OR2H2: variants seen among roughly 807,000 people sequenced by gnomAD.
OR2H2 encodes the protein olfactory receptor 2H2.
For missense variants in OR2H2, 295 were observed against 313.7 expected (o/e 0.94, Z 0.45); for synonymous variants, 146 against 132.4 (o/e 1.10, Z -0.71).
rs776218072 is a variant in OR2H2 at position 29,588,553 on chromosome 6, C to G, written c.609C>G (p.Phe203Leu). ...NEIQVAVASV[F>L]ILVVPLSLIL... ...TCCAGGTGGCTGTTGCCAGTGTCTT[C>G]ATCTTGGTTGTGCCTCTCAGCCTCA... Residue 203 changes from phenylalanine (F) to leucine (L), a missense_variant, in exon 2 of 2, where the codon TTC becomes TTG. By Grantham distance (22) the Phe-to-Leu change is conservative (BLOSUM62 0). Coordinates refer to ENST00000641840, the MANE Select transcript of OR2H2 (RefSeq NM_007160.4). The G allele has an allele frequency of 2.0e-5, 19 of 974,110 alleles. No individual in the cohort carries two copies. Among genetic ancestry groups the G allele is most frequent in the Non-Finnish European group, 3.2e-5 (19 of 596,202 alleles). 60.3% of individuals were successfully genotyped at this position (974,110 alleles called of 1,614,324 possible). A position where few individuals can be genotyped will look rare whatever the true frequency, so the allele number is the denominator to read the frequency against.
At chr6:29,586,485 TAAAAAA>T (rs771489542) in intron 1 of OR2H2, among the ~76,000 whole-genome samples, 1 of 82,432 alleles carries the variant, frequency 1.2e-5, no homozygotes, top group East Asian at 3.2e-4. Context: ...AACGTGACTC[TAAAAAA>T]AAAAAAAAAA....
rs2127359988 is a variant in OR2H2 at position 29,588,318 on chromosome 6, G to T, written c.374G>T (p.Cys125Phe). The change falls in exon 2 of 2, where the codon TGC (cysteine) becomes TTC (phenylalanine). Residue 125 changes from cysteine (C) to phenylalanine (F), a missense_variant. Coordinates refer to ENST00000641840, the MANE Select transcript of OR2H2 (RefSeq NM_007160.4). ...VMAFDRYVAVCQPLHYATIIH... is the reference protein window; with the variant it reads ...VMAFDRYVAVFQPLHYATIIH... ...GCTTTTGATCGCTACGTGGCTGTCT[G>T]CCAGCCCCTCCACTATGCCACCATC... 1.9e-6 allele frequency: 3 copies of T among 1,612,910 alleles called. No homozygotes were observed. The highest frequency in any genetic ancestry group is 2.5e-6 in the Non-Finnish European group (3 of 1,179,938).
rs147023039 is a variant in OR2H2 at position 29,588,710 on chromosome 6, G to A, written c.766G>A (p.Val256Ile). 2.8e-3 allele frequency: 4,252 copies of A among 1,502,924 alleles called. 160 individuals are homozygous for A. The South Asian group carries it at 0.044, about 16-fold the overall frequency. 93.1% of individuals were successfully genotyped at this position (1,502,924 alleles called of 1,614,324 possible). ...CCTCTTCTACAGCTCAGTCATTGCT[G>A]TCTACCTCCAGCCCAAAAATCCCTA... ...VTLFYSSVIA[V>I]YLQPKNPYAQ... is the part of the protein sequence containing the mutation. Residue 256 changes from valine (V) to isoleucine (I), a missense_variant, in exon 2 of 2, where the codon GTC becomes ATC. Physicochemically the swap from Val to Ile is conservative, Grantham distance 29. Coordinates refer to ENST00000641840, the MANE Select transcript of OR2H2 (RefSeq NM_007160.4).
In OR2H2 at chr6:29,588,470, G is replaced by T. The variant is rs559928300; in HGVS notation, c.526G>T (p.Val176Phe). 1.3e-5 allele frequency: 15 copies of T among 1,175,322 alleles called. No individual in the cohort carries two copies. Among genetic ancestry groups the T allele is most frequent in the Admixed American group, 5.0e-5 (3 of 59,496 alleles). The allele number at this position is 1,175,322 out of a possible 1,614,324, so 72.8% of individuals were successfully genotyped here. Residue 176 changes from valine to phenylalanine, a missense_variant, in exon 2 of 2, where the codon GTC becomes TTC. Transcript: ENST00000641840. ...CCCCGATCGGCAGGTGGATGATTTT[G>T]TCTGTGAGGTCCCAGCTCTAATTCG... is the stretch of plus-strand genomic sequence containing the variant. ...FCPDRQVDDF[V>F]CEVPALIRLS...
At position 29,588,685 on chromosome 6, in the gene OR2H2, C is replaced by T. The variant is rs763259959; in HGVS notation, c.741C>T (p.Thr247=). 32 of 1,506,662 alleles carry T rather than the reference C, an allele frequency of 2.1e-5. No homozygotes were observed. The East Asian group carries it at 6.8e-4, about 32-fold the overall frequency. 93.3% of individuals were successfully genotyped at this position (1,506,662 alleles called of 1,614,324 possible). The change falls in exon 2 of 2, where the codon ACC becomes ACT. Residue 247 remains threonine (T), a synonymous_variant. Transcript: ENST00000641840. ...GTCSSHLTVV[T]LFYSSVIAVY... Reference sequence around the variant, plus strand: ...GCTCCTCCCATCTCACTGTGGTCACCCTCTTCTACAGCTCAGTCATTGCTG... The same window carrying T: ...GCTCCTCCCATCTCACTGTGGTCACTCTCTTCTACAGCTCAGTCATTGCTG...
intron 1 of OR2H2, chr6:29,587,461 A>G (rs1760342791): frequency 6.3e-6 from 1 of 157,820 alleles, no homozygotes; most frequent in Admixed American, 6.2e-5. Flanking sequence ...AGAGTTCTAT[A>G]AAATTCATTC....
intron 1 of OR2H2, 46 bp downstream of exon 1, chr6:29,585,396 C>G (rs1321652338): frequency 2.0e-5 from 3 of 152,210 alleles, no homozygotes; most frequent in Admixed American, 1.3e-4. Context: ...CAGTTTCCGC[C>G]TATCCTCAAC....
rs1351996032 is a variant in OR2H2 at position 29,585,265 on chromosome 6, T to C, written c.-361T>C. The C allele has an allele frequency of 6.6e-6, 1 of 152,204 alleles. No individual in the cohort carries two copies. Among genetic ancestry groups the C allele is most frequent in the Non-Finnish European group, 1.5e-5 (1 of 68,040 alleles). The allele number at this position is 152,204 out of a possible 1,614,324, so 9.4% of individuals were successfully genotyped here. A position where few individuals can be genotyped will look rare whatever the true frequency, so the allele number is the denominator to read the frequency against. ...TCCTTTTTATTTTTTTGTTTCTTCC[T>C]GATGTACAAGTGGAGGCTGGGCACC... On this transcript the variant is annotated 5_prime_UTR_variant, in exon 1 of 2. The change abolishes the stop of an existing upstream ORF in the 5' untranslated region. Coordinates refer to ENST00000641840, the MANE Select transcript of OR2H2 (RefSeq NM_007160.4).
intron 1 of OR2H2, among the ~76,000 whole-genome samples, chr6:29,587,080 G>T (rs183944690): frequency 6.6e-6 from 1 of 152,308 alleles, no homozygotes; most frequent in East Asian, 1.9e-4. Context: ...GTACATTGGT[G>T]TTACTGGCCT....
chr6:29,585,362 C>A lies in OR2H2; in HGVS notation c.-276+12C>A, dbSNP rs112414841. 3 of 152,282 alleles carry A rather than the reference C, an allele frequency of 2.0e-5. No homozygotes were observed. Among genetic ancestry groups the A allele is most frequent in the African/African-American group, 7.2e-5 (3 of 41,572 alleles). 9.4% of individuals were successfully genotyped at this position (152,282 alleles called of 1,614,324 possible). On this transcript the variant is annotated intron_variant, in intron 1 of 1. Coordinates refer to ENST00000641840, the MANE Select transcript of OR2H2 (RefSeq NM_007160.4). ...TTATTTGATTGAAGGTAAGCAGAACCTTTGCTCTTTGGCTGTGAGATATCA... is the reference window on the plus strand; with the variant it reads ...TTATTTGATTGAAGGTAAGCAGAACATTTGCTCTTTGGCTGTGAGATATCA...
In OR2H2 at chr6:29,587,869, G is replaced by A; in HGVS notation, c.-76G>A. On this transcript the variant is annotated 5_prime_UTR_variant, in exon 2 of 2. Transcript: ENST00000641840. ...CTGCTGTGACCTCACAAACACCCAG[G>A]CTGAGTTTTGATAAGACAGGTTGAA... is the stretch of plus-strand genomic sequence containing the variant. The A allele has an allele frequency of 1.4e-6, 1 of 695,512 alleles. No homozygotes were observed. Among genetic ancestry groups the A allele is most frequent in the Non-Finnish European group, 2.6e-6 (1 of 379,196 alleles). The allele number at this position is 695,512 out of a possible 1,614,324, so 43.1% of individuals were successfully genotyped here. A position where few individuals can be genotyped will look rare whatever the true frequency, so the allele number is the denominator to read the frequency against.
chr6:29,588,148 C>A lies in OR2H2; in HGVS notation c.204C>A (p.Asp68Glu), dbSNP rs1223029024. The change falls in exon 2 of 2, where the codon GAC (aspartate) becomes GAA (glutamate). Residue 68 changes from aspartate to glutamate, a missense_variant. Coordinates refer to ENST00000641840, the MANE Select transcript of OR2H2 (RefSeq NM_007160.4). ...TCCTCTCCAACCTCTCCTTCTTGGA[C>A]CTCTGTTTCACCACGAGTTGTGTTC... ...YFFLSNLSFL[D>E]LCFTTSCVPQ... is the part of the protein sequence containing the mutation. The A allele has an allele frequency of 4.1e-6, 5 of 1,207,754 alleles. No individual in the cohort carries two copies. The highest frequency in any genetic ancestry group is 4.9e-6 in the Non-Finnish European group (4 of 809,386). The allele number at this position is 1,207,754 out of a possible 1,614,324, so 74.8% of individuals were successfully genotyped here.
chr6:29,588,488 C>G lies in OR2H2; in HGVS notation c.544C>G (p.Leu182Val). ...TGATTTTGTCTGTGAGGTCCCAGCT[C>G]TAATTCGACTCTCCTGTGAAGACAC... Reference protein sequence around the residue: ...VDDFVCEVPALIRLSCEDTSY... With the variant: ...VDDFVCEVPAVIRLSCEDTSY... Residue 182 changes from leucine to valine, a missense_variant, in exon 2 of 2, where the codon CTA becomes GTA. Transcript: ENST00000641840. The G allele has an allele frequency of 9.4e-7, 1 of 1,064,552 alleles. No individual in the cohort carries two copies. Among genetic ancestry groups the G allele is most frequent in the African/African-American group, 1.6e-5 (1 of 64,492 alleles). 65.9% of individuals were successfully genotyped at this position (1,064,552 alleles called of 1,614,324 possible). A position where few individuals can be genotyped will look rare whatever the true frequency, so the allele number is the denominator to read the frequency against.
In OR2H2 at chr6:29,588,486, C is replaced by A. The variant is rs766381859; in HGVS notation, c.542C>A (p.Ala181Asp). The A allele has an allele frequency of 4.6e-6, 5 of 1,089,328 alleles. No individual in the cohort carries two copies. Among genetic ancestry groups the A allele is most frequent in the Non-Finnish European group, 7.1e-6 (5 of 701,314 alleles). 67.5% of individuals were successfully genotyped at this position (1,089,328 alleles called of 1,614,324 possible). The stretch of plus-strand genomic sequence containing the variant: ...GATGATTTTGTCTGTGAGGTCCCAG[C>A]TCTAATTCGACTCTCCTGTGAAGAC... ...QVDDFVCEVPALIRLSCEDTS... is the reference protein window; with the variant it reads ...QVDDFVCEVPDLIRLSCEDTS... Residue 181 changes from alanine to aspartate, a missense_variant, in exon 2 of 2, where the codon GCT becomes GAT. Physicochemically the swap from Ala to Asp is moderately radical, Grantham distance 126. Coordinates refer to ENST00000641840, the MANE Select transcript of OR2H2 (RefSeq NM_007160.4).
At position 29,588,258 on chromosome 6, in the gene OR2H2, TG is replaced by T; in HGVS notation, c.318del (p.Thr107GlnfsTer7). On this transcript the variant is annotated frameshift_variant, in exon 2 of 2. Transcript: ENST00000641840. LOFTEE classifies it low-confidence loss of function (END_TRUNC). Reference protein sequence around the residue: ...CSVQIFIFLSLGTTECILLTV... With the variant: ...CSVQIFIFLSXGTTECILLTV... ...GTCCAGATCTTCATCTTCCTGTCCC[TG>T]GGGACAACTGAGTGCATCCTCTTGA... 1.3e-6 allele frequency: 2 copies of T among 1,581,610 alleles called. No homozygotes were observed. The highest frequency in any genetic ancestry group is 1.7e-6 in the Non-Finnish European group (2 of 1,151,398).
Position 29,589,049 on chromosome 6 carries a change from G to A in OR2H2, c.*166G>A. ...TGTATGTGTGCAAGAGACAGCGACT[G>A]AAATGTAGTAAAGGGAGGTATCTTT... On this transcript the variant is annotated 3_prime_UTR_variant, in exon 2 of 2. Coordinates refer to ENST00000641840, the MANE Select transcript of OR2H2 (RefSeq NM_007160.4). 3.4e-6 allele frequency: 2 copies of A among 593,324 alleles called. No homozygotes were observed. Among genetic ancestry groups the A allele is most frequent in the Non-Finnish European group, 6.1e-6 (2 of 325,684 alleles). 36.8% of individuals were successfully genotyped at this position (593,324 alleles called of 1,614,324 possible).
In OR2H2 at chr6:29,588,472, CTG is replaced by C. The variant is rs367955229; in HGVS notation, c.531_532del (p.Cys177Ter). ...CPDRQVDDFV[C>X]EVPALIRLSC... is the part of the protein sequence containing the mutation. ...CCGATCGGCAGGTGGATGATTTTGT[CTG>C]TGAGGTCCCAGCTCTAATTCGACTC... On this transcript the variant is annotated frameshift_variant, in exon 2 of 2. Transcript: ENST00000641840. LOFTEE classifies it low-confidence loss of function (END_TRUNC). 1,865 of 1,174,052 alleles carry C rather than the reference CTG, an allele frequency of 1.6e-3. 19 individuals are homozygous for C. The African/African-American group carries it at 0.024, about 15-fold the overall frequency. The allele number at this position is 1,174,052 out of a possible 1,614,324, so 72.7% of individuals were successfully genotyped here.
chr6:29,585,254 T>C lies in OR2H2; in HGVS notation c.-372T>C, dbSNP rs1355098482. On this transcript the variant is annotated 5_prime_UTR_variant, in exon 1 of 2. Transcript: ENST00000641840. ...AGGATGCCCATTCCTTTTTATTTTT[T>C]TGTTTCTTCCTGATGTACAAGTGGA... 6.6e-6 allele frequency: 1 copy of C among 152,204 alleles called. No homozygotes were observed. Among genetic ancestry groups the C allele is most frequent in the Non-Finnish European group, 1.5e-5 (1 of 68,036 alleles). The allele number at this position is 152,204 out of a possible 1,614,324, so 9.4% of individuals were successfully genotyped here.
chr6:29,589,507 CTT>C lies in OR2H2; in HGVS notation c.*625_*626del, dbSNP rs1005923507. ...TCAGGCTTGAGCCTTACAAAGGAAA[CTT>C]AGCTTCTTCAGTCCTATTTCTTCTC... On this transcript the variant is annotated 3_prime_UTR_variant, in exon 2 of 2. Coordinates refer to ENST00000641840, the MANE Select transcript of OR2H2 (RefSeq NM_007160.4). 2 of 152,318 alleles carry C rather than the reference CTT, an allele frequency of 1.3e-5. No homozygotes were observed. Among genetic ancestry groups the C allele is most frequent in the Non-Finnish European group, 2.9e-5 (2 of 68,134 alleles). 9.4% of individuals were successfully genotyped at this position (152,318 alleles called of 1,614,324 possible). A position where few individuals can be genotyped will look rare whatever the true frequency, so the allele number is the denominator to read the frequency against.
Sources: allele counts gnomAD v4.1 joint callset (sites outside exome capture counted in the v4.1 genomes callset), GRCh38; gene constraint gnomAD v4.1.1; transcripts MANE v1.5; gene names NCBI Gene and HGNC (gene_info 2026-07-23, HGNC 2026-07-21).